The following PDZRN3 variants were observed in gnomAD, a reference collection of about 807,000 sequenced individuals.
PDZRN3 encodes E3 ubiquitin-protein ligase PDZRN3.
PDZRN3 carries 38 observed loss-of-function variants against 85.7 expected under a neutral mutation model. The observed-to-expected ratio is 0.44, with a 90% CI of 0.34 to 0.58. PDZRN3 has a LOEUF of 0.58. Among genes scored for constraint, PDZRN3 ranks in the 20% least tolerant of loss-of-function variants. The pLI, the probability that PDZRN3 is intolerant of heterozygous loss-of-function variation, is 0.01. For synonymous variants in PDZRN3, 759 were observed against 638.0 expected (o/e 1.19, Z -2.86); for missense variants, 1,629 against 1,506.4 (o/e 1.08, Z -1.35).
chr3:73,524,051 G>A (rs917321248), intron 3 of PDZRN3, among the ~76,000 whole-genome samples: 2 of 152,176 alleles, frequency 1.3e-5, no homozygotes, highest in African/African-American at 2.4e-5. Context: ...CACAGGGCAT[G>A]CTTACACTTC....
intron 3 of PDZRN3, among the ~76,000 whole-genome samples, chr3:73,471,723 T>C (rs1333156632): frequency 6.6e-6 from 1 of 152,256 alleles, no homozygotes; most frequent in Non-Finnish European, 1.5e-5. Flanking sequence ...TCAGTCCACA[T>C]CCTGAAGGCT....
intron 3 of PDZRN3, among the ~76,000 whole-genome samples, chr3:73,500,795 CCT>C (rs1421021384): frequency 6.6e-6 from 1 of 152,192 alleles, no homozygotes; most frequent in Non-Finnish European, 1.5e-5. Context: ...TCTAAAGAAA[CCT>C]CTTTTTCTCT....
chr3:73,449,990 C>T (rs2106839913), intron 3 of PDZRN3, among the ~76,000 whole-genome samples: 1 of 152,322 alleles, frequency 6.6e-6, no homozygotes, highest in East Asian at 1.9e-4. Context: ...GGTACCTCCT[C>T]TGGAGGACGA....
rs192382497 is a variant in PDZRN3 at position 73,515,211 on chromosome 3, T to C, written c.918+87143A>G. The stretch of plus-strand genomic sequence containing the variant: ...TTTTTTTTTTGAGATGGAGTCTTGC[T>C]CTCACCCAGGCTGGAATGCAGTGGC... On this transcript the variant is annotated intron_variant, in intron 3 of 9. Transcript: ENST00000263666. Among the ~76,000 whole-genome samples, 771 of 129,626 alleles carry C rather than the reference T, an allele frequency of 5.9e-3. 9 individuals carry two copies. Among genetic ancestry groups the C allele is most frequent in the Middle Eastern group, 0.037 (8 of 214 alleles). The allele number at this position is 129,626 out of a possible 152,430, so 85.0% of individuals were successfully genotyped here.
chr3:73,616,435 TAAAC>T (rs1251448574), intron 1 of PDZRN3, among the ~76,000 whole-genome samples: 8 of 151,950 alleles, frequency 5.3e-5, no homozygotes, highest in African/African-American at 1.9e-4. Flanking sequence ...GGGAAAAACA[TAAAC>T]AACTCTGTAA....
At chr3:73,620,827 C>T (rs1046684607) in intron 1 of PDZRN3, among the ~76,000 whole-genome samples, 1 of 152,020 alleles carries the variant, frequency 6.6e-6, no homozygotes, top group East Asian at 1.9e-4. Context: ...CCGCCTGCCT[C>T]GGCCTCCCAA....
chr3:73,476,315 AG>A (rs1703447810), intron 3 of PDZRN3, among the ~76,000 whole-genome samples: 1 of 152,204 alleles, frequency 6.6e-6, no homozygotes, highest in East Asian at 1.9e-4. Context: ...TGGCCAGAGC[AG>A]GGAAGAGAGA....
chr3:73,425,982 C>A (rs1389447489), intron 3 of PDZRN3, among the ~76,000 whole-genome samples: 2 of 152,092 alleles, frequency 1.3e-5, no homozygotes, highest in Non-Finnish European at 2.9e-5. Flanking sequence ...CTTAAAAATA[C>A]ATTCTCTTCC....
At chr3:73,436,458 G>C (rs1172154158) in intron 3 of PDZRN3, among the ~76,000 whole-genome samples, 1 of 152,204 alleles carries the variant, frequency 6.6e-6, no homozygotes, top group Non-Finnish European at 1.5e-5. Flanking sequence ...ACAAAAAAAG[G>C]CTTGCAATCA....
chr3:73,485,465 T>A (rs2106644356), intron 3 of PDZRN3, among the ~76,000 whole-genome samples: 1 of 152,278 alleles, frequency 6.6e-6, no homozygotes, highest in African/African-American at 2.4e-5. Flanking sequence ...TAGAGCTTGC[T>A]CCTAATTCAG....
At chr3:73,567,076 A>G (rs1326933855) in intron 3 of PDZRN3, among the ~76,000 whole-genome samples, 4 of 152,234 alleles carry the variant, frequency 2.6e-5, no homozygotes, top group African/African-American at 9.6e-5. Flanking sequence ...GTGGAAAAAT[A>G]TAAGAGAAAA....
At chr3:73,590,089 C>T (rs1332677371) in intron 3 of PDZRN3, among the ~76,000 whole-genome samples, 7 of 151,654 alleles carry the variant, frequency 4.6e-5, no homozygotes, top group African/African-American at 1.2e-4. Context: ...GAAAACATGG[C>T]GACACCCCAT....
chr3:73,482,828 C>T (rs1257850576), intron 3 of PDZRN3, among the ~76,000 whole-genome samples: 1 of 152,216 alleles, frequency 6.6e-6, no homozygotes, highest in Non-Finnish European at 1.5e-5. Context: ...GGACAGGCCA[C>T]AACCTGTTGT....
intron 3 of PDZRN3, among the ~76,000 whole-genome samples, chr3:73,504,670 T>C (rs961789085): frequency 6.6e-6 from 1 of 152,178 alleles, no homozygotes; most frequent in African/African-American, 2.4e-5. Context: ...GGCTTCATTT[T>C]CAAGAAGTGA....
At chr3:73,491,462 A>C (rs943143326) in intron 3 of PDZRN3, among the ~76,000 whole-genome samples, 2 of 152,148 alleles carry the variant, frequency 1.3e-5, no homozygotes, top group Non-Finnish European at 2.9e-5. Flanking sequence ...TAGGTTTTGC[A>C]TCCATTGCTC....
In PDZRN3 at chr3:73,384,559, G is replaced by A. The variant is rs533227709; in HGVS notation, c.2007C>T (p.Gly669=). The change falls in exon 10 of 10, where the codon GGC becomes GGT. Residue 669 remains glycine, a synonymous_variant. Transcript: ENST00000263666. Reference sequence around the variant, plus strand: ...GGTCACTCTTGCCGGCGTCCAGGGGGCCGCTAGGGTAGTACAGGCCGTAAG... The same window carrying A: ...GGTCACTCTTGCCGGCGTCCAGGGGACCGCTAGGGTAGTACAGGCCGTAAG... ...ATPYGLYYPS[G]PLDAGKSDPE... 1,300 of 1,613,676 alleles carry A rather than the reference G, an allele frequency of 8.1e-4. 19 individuals carry two copies. The South Asian group carries it at 0.014, about 17-fold the overall frequency.
intron 3 of PDZRN3, among the ~76,000 whole-genome samples, chr3:73,463,864 T>G (rs1000042584): frequency 2.6e-5 from 4 of 152,220 alleles, no homozygotes; most frequent in African/African-American, 9.6e-5. Flanking sequence ...ACCTGGGTGA[T>G]GAAATAATCT....
At chr3:73,497,604 T>A (rs1487691610) in intron 3 of PDZRN3, among the ~76,000 whole-genome samples, 2 of 152,202 alleles carry the variant, frequency 1.3e-5, no homozygotes, top group Non-Finnish European at 2.9e-5. Context: ...TCCAAACGTA[T>A]ATAAAAGTAG....
intron 3 of PDZRN3, among the ~76,000 whole-genome samples, chr3:73,600,802 T>C (rs961214968): frequency 6.6e-6 from 1 of 152,190 alleles, no homozygotes; most frequent in Non-Finnish European, 1.5e-5. Flanking sequence ...TCAGAAAATG[T>C]ATTCACTCTC....
Sources: gnomAD v4.1 joint callset for allele counts (sites outside exome capture counted in the v4.1 genomes callset) on GRCh38, gnomAD v4.1.1 for gene constraint, MANE v1.5 for transcripts, NCBI Gene and HGNC (gene_info 2026-07-23, HGNC 2026-07-21) for gene names.